Variants in ZYG11B observed in about 807,000 individuals in gnomAD.
The protein encoded by ZYG11B is protein zyg-11 homolog B.
In ZYG11B, 36 loss-of-function variants were observed where a neutral mutation model predicts 82.4. That is an observed-to-expected ratio of 0.44 (90% CI 0.33 to 0.58). The LOEUF is 0.58. ZYG11B is among the 20% of genes least tolerant of loss of function. The pLI is 0.02. For missense variants in ZYG11B, 552 were observed against 895.6 expected, an observed-to-expected ratio of 0.62 and a Z score of 4.90; for synonymous variants, 303 against 312.8, an observed-to-expected ratio of 0.97 and a Z score of 0.33.
intron 5 of ZYG11B, 134 bp downstream of exon 5, chr1:52,785,187 C>T (rs1644902917): frequency 2.1e-6 from 2 of 952,782 alleles, no homozygotes; most frequent in Non-Finnish European, 3.0e-6. Context: ...TGTAAGAAAA[C>T]AGAGAAGTGG....
chr1:52,754,325 AT>A (rs1395780814), intron 1 of ZYG11B: 3 of 151,808 alleles, frequency 2.0e-5, no homozygotes, highest in Non-Finnish European at 4.4e-5. Flanking sequence ...ACCTTTGACT[AT>A]TTCTCGGCCT....
At chr1:52,798,200 T>C (rs1217219820) in intron 8 of ZYG11B, among the ~76,000 whole-genome samples, 1 of 152,156 alleles carries the variant, frequency 6.6e-6, no homozygotes, top group Non-Finnish European at 1.5e-5. Context: ...GCAGCTTTAC[T>C]CCTTAACAGA....
Position 52,771,706 on chromosome 1 carries a change from C to A in ZYG11B, c.883C>A (p.Gln295Lys), listed in dbSNP as rs1251844331. The change falls in exon 3 of 14, where the codon CAA (glutamine) becomes AAA (lysine). Residue 295 changes from glutamine to lysine, a missense_variant. Physicochemically the swap from Gln to Lys is moderately conservative, Grantham distance 53 (BLOSUM62 1). This residue lies in a region of ZYG11B where 359 missense variants were observed against 555.8 expected (regional missense o/e 0.65). Transcript: ENST00000294353. This position sits in a 1 kb window ranked among gnomAD's most constrained non-coding sequence, Gnocchi z 5.4. Reference protein sequence around the residue: ...EAFIQQRPSMQFVGLLATDAG... With the variant: ...EAFIQQRPSMKFVGLLATDAG... Reference sequence around the variant, plus strand: ...CTTTATACAACAACGTCCAAGCATGCAATTTGTAGGTTTGCTGGCTACTGA... The same window carrying A: ...CTTTATACAACAACGTCCAAGCATGAAATTTGTAGGTTTGCTGGCTACTGA... 1 of 1,614,142 alleles carries A rather than the reference C, an allele frequency of 6.2e-7. No individual in the cohort carries two copies.
intron 4 of ZYG11B, among the ~76,000 whole-genome samples, chr1:52,783,882 A>ATGCACATACACGTGTGTGTG (rs74208826): frequency 1.6e-5 from 2 of 126,012 alleles, no homozygotes; most frequent in Non-Finnish European, 3.2e-5. Context: ...ACGTGTGTGT[A>ATGCACATACACGTGTGTGTG]TATGTACATA....
intron 12 of ZYG11B, among the ~76,000 whole-genome samples, chr1:52,815,790 C>A (rs1343970283): frequency 6.6e-6 from 1 of 151,576 alleles, no homozygotes; most frequent in Non-Finnish European, 1.5e-5. Flanking sequence ...AAAAAATTAG[C>A]CGGGCGTGGT....
intron 2 of ZYG11B, among the ~76,000 whole-genome samples, chr1:52,770,341 G>T (rs1306749143): frequency 6.6e-6 from 1 of 151,920 alleles, no homozygotes; most frequent in Non-Finnish European, 1.5e-5. Context: ...CTGGCTAGTG[G>T]TTTATTAATG....
rs59906595 is a variant in ZYG11B at position 52,812,711 on chromosome 1, G to GGTTTGTTTGTTT, written c.1696-804_1696-793dup. On this transcript the variant is annotated intron_variant, in intron 10 of 13. Transcript: ENST00000294353. Reference sequence around the variant, plus strand: ...TGAACCACCATGCTTGGCTGTTTTGGGTTTGTTTGTTTGTTTGTTTGTTTG... The same window carrying GGTTTGTTTGTTT: ...TGAACCACCATGCTTGGCTGTTTTGGGTTTGTTTGTTTGTTTGTTTGTTTGTTTGTTTGTTTG... 6.7e-4 allele frequency among the ~76,000 whole-genome samples: 101 copies of GGTTTGTTTGTTT among 149,802 alleles called. No individual in the cohort carries two copies. The East Asian group carries it at 7.4e-3, about 11-fold the overall frequency.
chr1:52,734,261 G>A (rs1437191827), intron 1 of ZYG11B, among the ~76,000 whole-genome samples: 2 of 152,004 alleles, frequency 1.3e-5, no homozygotes, highest in African/African-American at 4.8e-5. Context: ...GCCCATCAAA[G>A]TGCTGGGATG....
intron 10 of ZYG11B, chr1:52,805,248 A>G (rs1335673222): frequency 9.2e-6 from 3 of 324,542 alleles, no homozygotes; most frequent in Non-Finnish European, 1.2e-5. Flanking sequence ...GAATTAGATT[A>G]TGGGAGGCAT....
At chr1:52,746,687 G>GTTTTTTTTTTTTTTTTTTTTTTT (rs11446988) in intron 1 of ZYG11B, among the ~76,000 whole-genome samples, 1 of 33,506 alleles carries the variant, frequency 3.0e-5, no homozygotes, top group African/African-American at 1.3e-4. Context: ...ATCGGCCACT[G>GTTTTTTTTTTTTTTTTTTTTTTT]TTTTTTTTTT....
At chr1:52,819,598 T>C (rs1571805198) in intron 13 of ZYG11B, among the ~76,000 whole-genome samples, 1 of 151,856 alleles carries the variant, frequency 6.6e-6, no homozygotes, top group African/African-American at 2.4e-5. Context: ...CCATCCTGGC[T>C]AACATGGTGA....
At position 52,808,993 on chromosome 1, in the gene ZYG11B, A is replaced by G. The variant is rs570049525; in HGVS notation, c.1696-4543A>G. 5.3e-5 allele frequency among the ~76,000 whole-genome samples: 8 copies of G among 152,276 alleles called. No homozygotes were observed. The East Asian group carries it at 1.5e-3, about 29-fold the overall frequency. On this transcript the variant is annotated intron_variant, in intron 10 of 13. Transcript: ENST00000294353. The stretch of plus-strand genomic sequence containing the variant: ...TGTTACTACTTTTTGAATATATGAA[A>G]TAAAATTTTAATAACTCTTTTAATA...
intron 8 of ZYG11B, among the ~76,000 whole-genome samples, chr1:52,797,182 A>T (rs1203588881): frequency 1.2e-5 from 1 of 82,380 alleles, no homozygotes; most frequent in Non-Finnish European, 2.0e-5. Context: ...ATATATATTT[A>T]TATATTATAT....
chr1:52,765,020 G>C (rs1319587538), intron 2 of ZYG11B, among the ~76,000 whole-genome samples: 1 of 151,400 alleles, frequency 6.6e-6, no homozygotes, highest in Non-Finnish European at 1.5e-5. Flanking sequence ...TTAACTCCAT[G>C]TAAACCACTG....
At chr1:52,809,324 A>C (rs998656640) in intron 10 of ZYG11B, among the ~76,000 whole-genome samples, 3 of 152,108 alleles carry the variant, frequency 2.0e-5, no homozygotes, top group Non-Finnish European at 4.4e-5. Context: ...AAACAATACT[A>C]TTCCATTCCC....
At chr1:52,793,968 C>A (rs1489682896) in intron 6 of ZYG11B, among the ~76,000 whole-genome samples, 1 of 148,160 alleles carries the variant, frequency 6.7e-6, no homozygotes, top group Non-Finnish European at 1.5e-5. Context: ...CCTTTCCTTT[C>A]ATTTCTTCTT....
In ZYG11B at chr1:52,824,437, A is replaced by AGGAGTTCG; in HGVS notation, c.*2808_*2809insGGAGTTCG. 1 of 152,224 alleles carries AGGAGTTCG rather than the reference A, an allele frequency of 6.6e-6. No individual in the cohort carries two copies. Among genetic ancestry groups the AGGAGTTCG allele is most frequent in the Middle Eastern group, 3.4e-3 (1 of 294 alleles). 9.4% of individuals were successfully genotyped at this position (152,224 alleles called of 1,614,324 possible). ...GGGTGGATCACAAGGTCAGGAGTTC[A>AGGAGTTCG]AGACCAGCCTGGCCCAAATGGTGAA... On this transcript the variant is annotated 3_prime_UTR_variant, in exon 14 of 14. Coordinates refer to ENST00000294353, the MANE Select transcript of ZYG11B (RefSeq NM_024646.3).
intron 8 of ZYG11B, among the ~76,000 whole-genome samples, chr1:52,797,052 T>TAA (rs1645020457): frequency 7.9e-4 from 69 of 87,644 alleles, no homozygotes; most frequent in African/African-American, 3.2e-3. Context: ...AATTTTTATA[T>TAA]ATTATATATA....
chr1:52,772,481 T>A lies in ZYG11B; in HGVS notation c.951+707T>A, dbSNP rs567434380. 6.1e-5 allele frequency: 97 copies of A among 1,590,664 alleles called. No homozygotes were observed. The South Asian group carries it at 9.2e-4, about 15-fold the overall frequency. On this transcript the variant is annotated intron_variant, in intron 3 of 13. Transcript: ENST00000294353. ...AACGTACTTGTGCAACACCATGTGA[T>A]TCTCTCACGATTACACCGATCTGTG...
Sources: allele counts gnomAD v4.1 joint callset (sites outside exome capture counted in the v4.1 genomes callset), GRCh38; gene constraint gnomAD v4.1.1; regional missense constraint gnomAD v4.1.1; non-coding constraint Gnocchi (gnomAD v3.1); transcripts MANE v1.5; gene names NCBI Gene and HGNC (gene_info 2026-07-23, HGNC 2026-07-21).